The following LRCH1 variants were observed in gnomAD, a reference collection of about 807,000 sequenced individuals.
LRCH1 encodes leucine-rich repeat and calponin homology domain-containing protein 1.
In LRCH1, 23 loss-of-function variants were observed where a neutral mutation model predicts 94.9. The ratio of observed to expected loss-of-function variants is 0.24; its 90% CI spans 0.17 to 0.34. LRCH1 has a LOEUF of 0.34. LRCH1 is among the 10% of genes least tolerant of loss of function. The pLI is 1.00. For synonymous variants in LRCH1, 364 were observed against 354.9 expected (o/e 1.03, Z -0.29); for missense variants, 790 against 945.9 (o/e 0.84, Z 2.16).
intron 18 of LRCH1, 150 bp downstream of exon 18, chr13:46,729,134 G>T: frequency 1.7e-6 from 1 of 578,504 alleles, no homozygotes; most frequent in Non-Finnish European, 2.7e-6. Context: ...AGGAATGAAA[G>T]AATGGCCTTG....
chr13:46,720,350 G>A (rs1872541301), intron 16 of LRCH1, among the ~76,000 whole-genome samples: 1 of 152,116 alleles, frequency 6.6e-6, no homozygotes, highest in Non-Finnish European at 1.5e-5. Context: ...TCGCACCATT[G>A]CACTCCAGCC....
intron 13 of LRCH1, 55 bp downstream of exon 13, chr13:46,705,359 C>G: frequency 7.3e-7 from 1 of 1,369,116 alleles, no homozygotes; most frequent in Non-Finnish European, 1.0e-6. Flanking sequence ...CCATGGAATA[C>G]TGGCCACCAC....
At chr13:46,626,663 C>G (rs1431269114) in intron 1 of LRCH1, among the ~76,000 whole-genome samples, 1 of 152,226 alleles carries the variant, frequency 6.6e-6, no homozygotes, top group African/African-American at 2.4e-5. Context: ...CCATGTTGCT[C>G]ACACAAAGCC....
chr13:46,600,030 A>C (rs1037513274), intron 1 of LRCH1, among the ~76,000 whole-genome samples: 4 of 152,222 alleles, frequency 2.6e-5, no homozygotes, highest in African/African-American at 7.2e-5. Context: ...GCTTTGTTGT[A>C]TTAAAAAATA....
intron 9 of LRCH1, 54 bp downstream of exon 9, chr13:46,695,071 C>A: frequency 6.3e-7 from 1 of 1,596,728 alleles, no homozygotes; most frequent in Non-Finnish European, 8.5e-7. Flanking sequence ...CTGTTTGGCA[C>A]CGTACAATTT....
intron 1 of LRCH1, among the ~76,000 whole-genome samples, chr13:46,595,547 C>G (rs2050552003): frequency 6.6e-6 from 1 of 152,238 alleles, no homozygotes; most frequent in African/African-American, 2.4e-5. Context: ...CTGTTCCCCC[C>G]TGAGCATATC....
Position 46,681,906 on chromosome 13 carries a change from G to A in LRCH1, c.685+60G>A, listed in dbSNP as rs146420094. On this transcript the variant is annotated intron_variant, in intron 4 of 19. Coordinates refer to ENST00000389797, the MANE Select transcript of LRCH1 (RefSeq NM_001164211.2). ...AGACTTGCATTATTTTATGTTTTGGGGGGTTTACTTTTGTGAAGAGGGTCG... is the reference window on the plus strand; with the variant it reads ...AGACTTGCATTATTTTATGTTTTGGAGGGTTTACTTTTGTGAAGAGGGTCG... 696 of 1,083,162 alleles carry A rather than the reference G, an allele frequency of 6.4e-4. 7 individuals are homozygous for A. The African/African-American group carries it at 0.01, about 16-fold the overall frequency. 67.1% of individuals were successfully genotyped at this position (1,083,162 alleles called of 1,614,324 possible). A position where few individuals can be genotyped will look rare whatever the true frequency, so the allele number is the denominator to read the frequency against.
Position 46,742,327 on chromosome 13 carries a change from CAT to C in LRCH1, c.*480_*481del, listed in dbSNP as rs1254440947. ...CCTTGCAGGGAGGACAGAAAACTAA[CAT>C]TTTGGCCCAACTTGATCTATACAAA... On this transcript the variant is annotated 3_prime_UTR_variant, in exon 20 of 20. Transcript: ENST00000389797. 1.0e-6 allele frequency: 1 copy of C among 1,002,844 alleles called. No individual in the cohort carries two copies. The highest frequency in any genetic ancestry group is 1.2e-6 in the Non-Finnish European group (1 of 840,022). 62.1% of individuals were successfully genotyped at this position (1,002,844 alleles called of 1,614,324 possible).
intron 16 of LRCH1, 22 bp from the exon 17 acceptor site, chr13:46,723,199 T>G: frequency 1.4e-6 from 2 of 1,463,770 alleles, no homozygotes. Context: ...TATAAAGGCT[T>G]TTTTTCCCCT....
At chr13:46,747,423 G>A (rs1440251080), downstream of LRCH1, among the ~76,000 whole-genome samples, 3 of 152,288 alleles carry the variant, frequency 2.0e-5, no homozygotes, top group African/African-American at 2.4e-5. Flanking sequence ...CTGCTCATCA[G>A]GCCCTGGGGT....
chr13:46,583,833 T>A (rs970732132), intron 1 of LRCH1, among the ~76,000 whole-genome samples: 1 of 151,740 alleles, frequency 6.6e-6, no homozygotes, highest in Non-Finnish European at 1.5e-5. Context: ...CAATCTCCGC[T>A]CACTGCAACC....
Position 46,707,716 on chromosome 13 carries a change from A to AT in LRCH1, c.1527+2420dup, listed in dbSNP as rs577041524. On this transcript the variant is annotated intron_variant, in intron 13 of 19. Transcript: ENST00000389797. ...TCTTCTAAGATGTATATATTCCTGAATTTTTTTTAAAAAGGAAGTATTGTT... is the reference window on the plus strand; with the variant it reads ...TCTTCTAAGATGTATATATTCCTGAATTTTTTTTTAAAAAGGAAGTATTGTT... 3.5e-3 allele frequency among the ~76,000 whole-genome samples: 530 copies of AT among 152,256 alleles called. 4 individuals carry two copies. The highest frequency in any genetic ancestry group is 0.011 in the African/African-American group (474 of 41,532).
chr13:46,712,439 A>T lies in LRCH1; in HGVS notation c.1582-86A>T, dbSNP rs183765460. The T allele has an allele frequency of 4.4e-3, 4,631 of 1,057,712 alleles. 16 individuals carry two copies. The highest frequency in any genetic ancestry group is 5.8e-3 in the Non-Finnish European group (4,075 of 702,150). The allele number at this position is 1,057,712 out of a possible 1,614,324, so 65.5% of individuals were successfully genotyped here. On this transcript the variant is annotated intron_variant, in intron 14 of 19. Coordinates refer to ENST00000389797, the MANE Select transcript of LRCH1 (RefSeq NM_001164211.2). Reference sequence around the variant, plus strand: ...AATGCAAAAAGGGAGTAGTTTTGTTACAATCCTTGAACATAGAAAACCATA... The same window carrying T: ...AATGCAAAAAGGGAGTAGTTTTGTTTCAATCCTTGAACATAGAAAACCATA...
chr13:46,596,880 T>C (rs932808520), intron 1 of LRCH1, among the ~76,000 whole-genome samples: 6 of 152,180 alleles, frequency 3.9e-5, no homozygotes, highest in African/African-American at 1.2e-4. Context: ...CCCAGGAAGA[T>C]AGTAACTAGT....
At chr13:46,668,978 G>A (rs2051561018) in intron 2 of LRCH1, 52 bp from the exon 3 acceptor site, 3 of 1,606,080 alleles carry the variant, frequency 1.9e-6, no homozygotes, top group Admixed American at 3.3e-5. Context: ...TTCACAGACA[G>A]TATGAAGTGG....
chr13:46,634,169 C>T lies in LRCH1; in HGVS notation c.308-16032C>T, dbSNP rs140892610. Among the ~76,000 whole-genome samples, 28 of 152,338 alleles carry T rather than the reference C, an allele frequency of 1.8e-4. No individual in the cohort carries two copies. In the East Asian group the frequency reaches 5.0e-3, roughly 27 times the overall value. Reference sequence around the variant, plus strand: ...CTGGGATTACAGGCGTGAGCCACCGCGCCCAGCCTTTCCTGCATTTCTTTT... The same window carrying T: ...CTGGGATTACAGGCGTGAGCCACCGTGCCCAGCCTTTCCTGCATTTCTTTT... On this transcript the variant is annotated intron_variant, in intron 1 of 19. Coordinates refer to ENST00000389797, the MANE Select transcript of LRCH1 (RefSeq NM_001164211.2).
At chr13:46,651,246 A>C (rs750054791) in intron 2 of LRCH1, among the ~76,000 whole-genome samples, 1 of 152,238 alleles carries the variant, frequency 6.6e-6, no homozygotes, top group Admixed American at 6.5e-5. Flanking sequence ...GATATACCCA[A>C]CATCAAAGTT....
intron 4 of LRCH1, among the ~76,000 whole-genome samples, chr13:46,682,513 G>A (rs1310841215): frequency 6.6e-6 from 1 of 152,196 alleles, no homozygotes; most frequent in Admixed American, 6.5e-5. Flanking sequence ...ATTGTTTTGG[G>A]TATGGGTATG....
Position 46,711,814 on chromosome 13 carries a change from G to T in LRCH1, c.1551G>T (p.Gln517His). Reference sequence around the variant, plus strand: ...AGGTGCAAAGTGATCTAACATTACAGAGTAACGGGAGCCAGTATTCTCCAA... The same window carrying T: ...AGGTGCAAAGTGATCTAACATTACATAGTAACGGGAGCCAGTATTCTCCAA... The part of the protein sequence containing the change: ...VCEVQSDLTL[Q>H]SNGSQYSPNE... The change falls in exon 14 of 20, where the codon CAG (glutamine) becomes CAT (histidine). Residue 517 changes from glutamine (Q) to histidine (H), a missense_variant. Physicochemically the swap from Gln to His is conservative, Grantham distance 24. Coordinates refer to ENST00000389797, the MANE Select transcript of LRCH1 (RefSeq NM_001164211.2). 1 of 1,613,336 alleles carries T rather than the reference G, an allele frequency of 6.2e-7. No individual in the cohort carries two copies. The highest frequency in any genetic ancestry group is 8.5e-7 in the Non-Finnish European group (1 of 1,179,526).
Sources: gnomAD v4.1 joint callset for allele counts (sites outside exome capture counted in the v4.1 genomes callset) on GRCh38, gnomAD v4.1.1 for gene constraint, MANE v1.5 for transcripts, NCBI Gene and HGNC (gene_info 2026-07-23, HGNC 2026-07-21) for gene names.